Variants in INTS6 observed in about 807,000 individuals in gnomAD.
The protein encoded by INTS6 is DEAD box protein.
In INTS6, 16 loss-of-function variants were observed where a neutral mutation model predicts 104.9. The observed-to-expected ratio is 0.15, with a 90% CI of 0.10 to 0.23. INTS6 has a LOEUF of 0.23. INTS6 is among the 10% of genes least tolerant of loss of function. The pLI, the probability that INTS6 is intolerant of heterozygous loss-of-function variation, is 1.00. For missense variants in INTS6, 584 were observed against 1,062.8 expected (o/e 0.55, Z 6.26); for synonymous variants, 324 against 358.7 (o/e 0.90, Z 1.09).
chr13:51,435,560 C>G (rs1167494606), intron 3 of INTS6, among the ~76,000 whole-genome samples: 1 of 151,818 alleles, frequency 6.6e-6, no homozygotes, highest in Non-Finnish European at 1.5e-5. Context: ...CTATTATAAC[C>G]TATGTTATTT....
In INTS6 at chr13:51,374,259, G is replaced by A. The variant is rs1005610698; in HGVS notation, c.2053C>T (p.Pro685Ser). ...NHIGGKGPPA[P>S]TTQAQPDLIK... ...AGATCTGGCTGTGCTTGAGTTGTAG[G>A]TGCAGGTGGTCCTTTTCCCCCAATA... is the stretch of plus-strand genomic sequence containing the variant. The change falls in exon 15 of 18, where the codon CCT (proline) becomes TCT (serine). Residue 685 changes from proline to serine, a missense_variant. Coordinates refer to ENST00000311234, the MANE Select transcript of INTS6 (RefSeq NM_012141.3). The A allele has an allele frequency of 6.2e-7, 1 of 1,613,972 alleles. No individual in the cohort carries two copies. Among genetic ancestry groups the A allele is most frequent in the African/African-American group, 1.3e-5 (1 of 74,920 alleles).
intron 3 of INTS6, chr13:51,448,619 A>G (rs1952971614): frequency 1.3e-5 from 2 of 152,236 alleles, no homozygotes; most frequent in Non-Finnish European, 2.9e-5. Context: ...TAGTTATGAA[A>G]AATCATATAT....
At chr13:51,341,272 C>A in the INTS6 span, 1 of 1,613,974 alleles carries the variant, frequency 6.2e-7, no homozygotes, top group Non-Finnish European at 8.5e-7. Context: ...GTCCCTCCCC[C>A]TGGAGATCCT....
chr13:51,452,250 C>A lies in INTS6; in HGVS notation c.111+165G>T. 5.3e-6 allele frequency: 4 copies of A among 755,502 alleles called. No homozygotes were observed. The highest frequency in any genetic ancestry group is 5.2e-6 in the Non-Finnish European group (3 of 571,908). The allele number at this position is 755,502 out of a possible 1,614,324, so 46.8% of individuals were successfully genotyped here. ...GGCCGGAGCCCGGGCCCCGGCCGAA[C>A]CCGGCTCGCAGCGCCCGCCCGCCCG... On this transcript the variant is annotated intron_variant, in intron 1 of 17. Transcript: ENST00000311234. The surrounding 1 kb of genome is among the most constrained non-coding windows in gnomAD (Gnocchi z 4.2).
At chr13:51,338,839 A>G in the INTS6 span, among the ~76,000 whole-genome samples, 1 of 152,214 alleles carries the variant, frequency 6.6e-6, no homozygotes, top group Non-Finnish European at 1.5e-5. Context: ...CAGTCCATTG[A>G]TTTTCAAATA....
chr13:51,354,070 C>T (rs1336709476), downstream of INTS6: 1 of 152,126 alleles, frequency 6.6e-6, no homozygotes, highest in East Asian at 1.9e-4. Flanking sequence ...AAAGTGCACA[C>T]AGCAAATATG....
intron 3 of INTS6, chr13:51,449,728 G>T: frequency 1.0e-6 from 1 of 985,330 alleles, no homozygotes; most frequent in Non-Finnish European, 1.2e-6. Flanking sequence ...ATATAAAAGA[G>T]AAGGAAATCC....
At chr13:51,337,990 T>G in the INTS6 span, among the ~76,000 whole-genome samples, 1 of 152,230 alleles carries the variant, frequency 6.6e-6, no homozygotes, top group South Asian at 2.1e-4. Flanking sequence ...CTTTCATTCA[T>G]TCACACTTTG....
chr13:51,388,410 T>C (rs1306884528), intron 6 of INTS6, among the ~76,000 whole-genome samples: 3 of 152,062 alleles, frequency 2.0e-5, no homozygotes, highest in African/African-American at 7.2e-5. Flanking sequence ...TCTTTTTTTT[T>C]GAGATGGAGT....
At chr13:51,444,389 GCCATGGCAC>G (rs1325006538) in intron 3 of INTS6, 1 of 150,158 alleles carries the variant, frequency 6.7e-6, no homozygotes, top group East Asian at 2.0e-4. Flanking sequence ...ACAGGTGTGA[GCCATGGCAC>G]CCGGCCTATT....
intron 3 of INTS6, chr13:51,441,885 A>G (rs547867560): frequency 6.6e-6 from 1 of 151,872 alleles, no homozygotes; most frequent in Non-Finnish European, 1.5e-5. Flanking sequence ...CAGTCGCACA[A>G]TCTTGGCTCA....
chr13:51,433,841 A>G (rs1957139685), intron 3 of INTS6, among the ~76,000 whole-genome samples: 1 of 152,182 alleles, frequency 6.6e-6, no homozygotes, highest in African/African-American at 2.4e-5. Flanking sequence ...AATTACTATA[A>G]TAACAATAAC....
chr13:51,357,225 C>T (rs1334302329), downstream of INTS6, among the ~76,000 whole-genome samples: 2 of 152,162 alleles, frequency 1.3e-5, no homozygotes, highest in Non-Finnish European at 2.9e-5. Flanking sequence ...AAGAGACTAA[C>T]CACTTCTCTG....
chr13:51,395,830 T>C (rs1956326066), intron 4 of INTS6, among the ~76,000 whole-genome samples: 1 of 152,218 alleles, frequency 6.6e-6, no homozygotes, highest in African/African-American at 2.4e-5. Flanking sequence ...TTTTCTTTTC[T>C]TTTCTTTTTG....
rs568698099 is a variant in INTS6 at position 51,362,341 on chromosome 13, T to G, written c.*3411A>C. On this transcript the variant is annotated 3_prime_UTR_variant, in exon 18 of 18. Transcript: ENST00000311234. ...AATGAATGCACCTGGATTTCTATAC[T>G]GTTCTGTTGATCTTTCTCAAAAATC... 1.1e-5 allele frequency: 2 copies of G among 186,996 alleles called. No homozygotes were observed. The highest frequency in any genetic ancestry group is 1.1e-5 in the Non-Finnish European group (1 of 92,550). The allele number at this position is 186,996 out of a possible 1,614,324, so 11.6% of individuals were successfully genotyped here. A position where few individuals can be genotyped will look rare whatever the true frequency, so the allele number is the denominator to read the frequency against.
intron 3 of INTS6, among the ~76,000 whole-genome samples, chr13:51,435,316 G>A (rs1166870930): frequency 6.6e-6 from 1 of 151,886 alleles, no homozygotes; most frequent in Admixed American, 6.6e-5. Context: ...TAGCTCTAGA[G>A]CTACTTACTA....
At chr13:51,342,502 C>A in the INTS6 span, among the ~76,000 whole-genome samples, 1 of 152,324 alleles carries the variant, frequency 6.6e-6, no homozygotes, top group East Asian at 1.9e-4. Flanking sequence ...GCATTTTTTA[C>A]CCTGTCATTG....
intron 4 of INTS6, among the ~76,000 whole-genome samples, chr13:51,395,781 A>C (rs935370766): frequency 2.0e-5 from 3 of 152,172 alleles, no homozygotes; most frequent in African/African-American, 7.2e-5. Flanking sequence ...AATTTCATTT[A>C]ATCATTAAAA....
At chr13:51,411,736 C>G (rs1956691613) in intron 4 of INTS6, among the ~76,000 whole-genome samples, 1 of 152,128 alleles carries the variant, frequency 6.6e-6, no homozygotes, top group Non-Finnish European at 1.5e-5. Context: ...CAAAATAGTA[C>G]AAACACTTTG....
Sources: allele counts gnomAD v4.1 joint callset (sites outside exome capture counted in the v4.1 genomes callset), GRCh38; gene constraint gnomAD v4.1.1; non-coding constraint Gnocchi (gnomAD v3.1); transcripts MANE v1.5; gene names NCBI Gene and HGNC (gene_info 2026-07-23, HGNC 2026-07-21).